The following PDSS2 variants were observed in gnomAD, a reference collection of about 807,000 sequenced individuals.
PDSS2 encodes all trans-polyprenyl-diphosphate synthase PDSS2.
Under a neutral mutation model 44.5 loss-of-function variants are expected in PDSS2, and 31 were observed. The ratio of observed to expected loss-of-function variants is 0.70; its 90% CI spans 0.52 to 0.94. PDSS2 has a LOEUF of 0.94. Ranked by LOEUF, PDSS2 falls within the 40% of genes least tolerant of loss-of-function variation. The pLI, the probability that PDSS2 is intolerant of heterozygous loss-of-function variation, is 0.00. For synonymous variants in PDSS2, 157 were observed against 180.3 expected, an observed-to-expected ratio of 0.87 and a Z score of 1.03; for missense variants, 452 against 482.2, an observed-to-expected ratio of 0.94 and a Z score of 0.59.
rs529327978 is a variant in PDSS2 at position 107,459,482 on chromosome 6, A to G, written c.-197T>C. On this transcript the variant is annotated 5_prime_UTR_variant, in exon 1 of 8. Transcript: ENST00000369037. The surrounding 1 kb of genome is among the most constrained non-coding windows in gnomAD (Gnocchi z 4.3). ...CTGCAGCCCAGGCTGGGCAAACAACAGTCCCAGCTCAGCACTGCCCCCGGC... is the reference window on the plus strand; with the variant it reads ...CTGCAGCCCAGGCTGGGCAAACAACGGTCCCAGCTCAGCACTGCCCCCGGC... 6.8e-5 allele frequency: 41 copies of G among 604,024 alleles called. No homozygotes were observed. The African/African-American group carries it at 7.0e-4, about 10-fold the overall frequency. 37.4% of individuals were successfully genotyped at this position (604,024 alleles called of 1,614,324 possible). A position where few individuals can be genotyped will look rare whatever the true frequency, so the allele number is the denominator to read the frequency against.
intron 4 of PDSS2, among the ~76,000 whole-genome samples, chr6:107,229,209 C>T (rs910968891): frequency 1.4e-4 from 21 of 152,086 alleles, no homozygotes; most frequent in Admixed American, 6.5e-4. Flanking sequence ...TTTTTTGAGA[C>T]GTTGTCTTCC....
At chr6:107,344,094 T>C (rs1282123911) in intron 1 of PDSS2, among the ~76,000 whole-genome samples, 1 of 152,206 alleles carries the variant, frequency 6.6e-6, no homozygotes. Flanking sequence ...CAGAGCCCTA[T>C]GGTATAGGGA....
chr6:107,316,565 A>G (rs1777206841), intron 2 of PDSS2, among the ~76,000 whole-genome samples: 1 of 152,178 alleles, frequency 6.6e-6, no homozygotes, highest in South Asian at 2.1e-4. Flanking sequence ...CATTTAGAGT[A>G]GCATCATGAC....
At chr6:107,350,315 A>G (rs1422371462) in intron 1 of PDSS2, among the ~76,000 whole-genome samples, 2 of 152,250 alleles carry the variant, frequency 1.3e-5, no homozygotes, top group African/African-American at 4.8e-5. Flanking sequence ...CACACACCAG[A>G]GCAGGAAAAA....
intron 4 of PDSS2, among the ~76,000 whole-genome samples, chr6:107,235,177 G>A (rs1253589770): frequency 6.6e-6 from 1 of 152,206 alleles, no homozygotes; most frequent in Non-Finnish European, 1.5e-5. Flanking sequence ...AGCCGAAGGG[G>A]TTAATTAGGG....
At chr6:107,164,484 C>A (rs9320204) in intron 7 of PDSS2, among the ~76,000 whole-genome samples, 105,356 of 151,992 alleles carry the variant, frequency 0.69, 36,907 homozygotes, top group African/African-American at 0.74. Context: ...TGTCCCTACA[C>A]AGGACATGAA....
chr6:107,234,331 G>A (rs1303539675), intron 4 of PDSS2, among the ~76,000 whole-genome samples: 1 of 151,722 alleles, frequency 6.6e-6, no homozygotes, highest in African/African-American at 2.4e-5. Context: ...TCAGCCTCCC[G>A]GGTAGCTGGG....
chr6:107,354,300 A>G (rs1035505336), intron 1 of PDSS2, among the ~76,000 whole-genome samples: 1 of 152,216 alleles, frequency 6.6e-6, no homozygotes, highest in African/African-American at 2.4e-5. Flanking sequence ...AAGTGAAACC[A>G]TGTCTGTAAT....
chr6:107,415,271 AAT>A (rs1780621767), intron 1 of PDSS2, among the ~76,000 whole-genome samples: 1 of 152,112 alleles, frequency 6.6e-6, no homozygotes, highest in Admixed American at 6.5e-5. Context: ...GAAATAGACC[AAT>A]ATCTTTTTAC....
At chr6:107,216,708 G>A (rs1328992514) in intron 4 of PDSS2, among the ~76,000 whole-genome samples, 1 of 152,060 alleles carries the variant, frequency 6.6e-6, no homozygotes, top group Non-Finnish European at 1.5e-5. Flanking sequence ...GCAAACTGAA[G>A]TTCATATGGG....
chr6:107,348,409 T>C (rs1778322185), intron 1 of PDSS2, among the ~76,000 whole-genome samples: 1 of 152,192 alleles, frequency 6.6e-6, no homozygotes, highest in Admixed American at 6.5e-5. Context: ...AGTTCTTTGG[T>C]TCCCAGGAAC....
At chr6:107,417,711 G>T (rs1302144188) in intron 1 of PDSS2, among the ~76,000 whole-genome samples, 1 of 151,906 alleles carries the variant, frequency 6.6e-6, no homozygotes, top group Non-Finnish European at 1.5e-5. Context: ...GTTGAGCTGA[G>T]ATCATGCCAT....
chr6:107,404,975 C>A (rs1361806517), intron 1 of PDSS2, among the ~76,000 whole-genome samples: 2 of 152,174 alleles, frequency 1.3e-5, no homozygotes, highest in East Asian at 3.8e-4. Flanking sequence ...CACTTCAACA[C>A]AGAGTCATCA....
chr6:107,155,997 C>T (rs969051452), intron 7 of PDSS2, among the ~76,000 whole-genome samples: 6 of 138,570 alleles, frequency 4.3e-5, no homozygotes, highest in African/African-American at 1.6e-4. Context: ...TCAAGCAATT[C>T]TTCTGCCTCA....
At position 107,153,880 on chromosome 6, in the gene PDSS2, A is replaced by T. The variant is rs1486327036; in HGVS notation, c.*739T>A. The stretch of plus-strand genomic sequence containing the variant: ...CACCTGAGGTCAGGAGTTCGAGACT[A>T]GCCTGACCAACATAGTGAAACCCCA... On this transcript the variant is annotated 3_prime_UTR_variant, in exon 8 of 8. Transcript: ENST00000369037. 1.3e-5 allele frequency: 2 copies of T among 152,394 alleles called. No individual in the cohort carries two copies. Among genetic ancestry groups the T allele is most frequent in the Non-Finnish European group, 2.9e-5 (2 of 68,262 alleles). 9.4% of individuals were successfully genotyped at this position (152,394 alleles called of 1,614,324 possible). A position where few individuals can be genotyped will look rare whatever the true frequency, so the allele number is the denominator to read the frequency against.
chr6:107,237,840 G>A (rs10085266), intron 4 of PDSS2, among the ~76,000 whole-genome samples: 5,411 of 147,470 alleles, frequency 0.037, 351 homozygotes, highest in African/African-American at 0.13. Flanking sequence ...AGGTTGCATT[G>A]AGCCAAGATC....
chr6:107,220,355 T>C (rs1773560253), intron 4 of PDSS2, among the ~76,000 whole-genome samples: 1 of 152,122 alleles, frequency 6.6e-6, no homozygotes. Context: ...GGTTTGCATA[T>C]CATCCTCATT....
At chr6:107,242,384 C>T (rs545586815) in intron 4 of PDSS2, among the ~76,000 whole-genome samples, 6 of 151,908 alleles carry the variant, frequency 3.9e-5, no homozygotes, top group African/African-American at 1.2e-4. Context: ...CTGCCTCAGC[C>T]TCCTGAGTAG....
At chr6:107,186,345 A>C (rs992066835) in intron 7 of PDSS2, among the ~76,000 whole-genome samples, 2 of 152,196 alleles carry the variant, frequency 1.3e-5, no homozygotes, top group African/African-American at 4.8e-5. Flanking sequence ...CACATGTTGA[A>C]GGTCCAGTTG....
Sources: gnomAD v4.1 joint callset for allele counts (sites outside exome capture counted in the v4.1 genomes callset) on GRCh38, gnomAD v4.1.1 for gene constraint, Gnocchi (gnomAD v3.1) non-coding constraint, MANE v1.5 for transcripts, NCBI Gene and HGNC (gene_info 2026-07-23, HGNC 2026-07-21) for gene names.